PSD3: variants seen among roughly 807,000 people sequenced by gnomAD.
The protein encoded by PSD3 is pleckstrin and Sec7 domain containing 3.
PSD3 carries 49 observed loss-of-function variants against 105.5 expected under a neutral mutation model. The observed-to-expected ratio is 0.46, with a 90% CI of 0.37 to 0.59. The LOEUF (loss-of-function observed/expected upper bound fraction) is 0.59, where lower values mean the gene tolerates loss of function less well. Ranked by LOEUF, PSD3 falls within the 20% of genes least tolerant of loss-of-function variation. The pLI is 0.00. For synonymous variants in PSD3, 557 were observed against 457.8 expected, an observed-to-expected ratio of 1.22 and a Z score of -2.77; for missense variants, 1,561 against 1,263.8, an observed-to-expected ratio of 1.24 and a Z score of -3.57.
chr8:18,935,025 G>A (rs1029395521), intron 2 of PSD3, among the ~76,000 whole-genome samples: 6 of 152,196 alleles, frequency 3.9e-5, no homozygotes, highest in African/African-American at 1.4e-4. Context: ...CTGTGTGAGT[G>A]ATTGTGACTG....
chr8:18,555,565 C>T (rs1377860939), intron 15 of PSD3, among the ~76,000 whole-genome samples: 1 of 152,188 alleles, frequency 6.6e-6, no homozygotes, highest in Non-Finnish European at 1.5e-5. Context: ...CTAACCCTGA[C>T]ATTAATTTGG....
At chr8:18,946,666 G>A (rs138295241) in intron 1 of PSD3, among the ~76,000 whole-genome samples, 10,421 of 151,930 alleles carry the variant, frequency 0.069, 674 homozygotes, top group African/African-American at 0.17. Flanking sequence ...TTGGGAGGCC[G>A]AGGTGGGTGG....
At chr8:18,804,011 T>C (rs2638650) in intron 6 of PSD3, among the ~76,000 whole-genome samples, 126,514 of 152,160 alleles carry the variant, frequency 0.83, 53,195 homozygotes, top group Middle Eastern at 0.89. Flanking sequence ...TATCCAGATT[T>C]GCTTTGCTAC....
chr8:18,952,802 G>A (rs1228989910), intron 1 of PSD3, among the ~76,000 whole-genome samples: 1 of 152,148 alleles, frequency 6.6e-6, no homozygotes, highest in East Asian at 1.9e-4. Context: ...ACAATTTGGA[G>A]ACATTTAGTT....
intron 9 of PSD3, among the ~76,000 whole-genome samples, chr8:18,676,697 C>T (rs1800083564): frequency 6.6e-6 from 1 of 152,216 alleles, no homozygotes; most frequent in Non-Finnish European, 1.5e-5. Flanking sequence ...TACCCTACCC[C>T]TCTTTTGTGC....
chr8:18,769,903 T>C (rs1279625234), intron 8 of PSD3, among the ~76,000 whole-genome samples: 1 of 152,228 alleles, frequency 6.6e-6, no homozygotes, highest in African/African-American at 2.4e-5. Flanking sequence ...TTAGACTATT[T>C]TCTTTTTTTG....
chr8:18,553,234 G>T (rs1264698842), intron 15 of PSD3, among the ~76,000 whole-genome samples: 1 of 152,220 alleles, frequency 6.6e-6, no homozygotes, highest in Admixed American at 6.5e-5. Flanking sequence ...CCCTGTTGAG[G>T]AGGACCCACC....
At chr8:18,823,829 C>A (rs536370875) in intron 4 of PSD3, among the ~76,000 whole-genome samples, 1 of 151,506 alleles carries the variant, frequency 6.6e-6, no homozygotes, top group South Asian at 2.1e-4. Context: ...ATTCCATGTT[C>A]ACAAGTGTTT....
chr8:18,647,784 G>A (rs1213446941), intron 10 of PSD3, among the ~76,000 whole-genome samples: 1 of 151,998 alleles, frequency 6.6e-6, no homozygotes, highest in Non-Finnish European at 1.5e-5. Flanking sequence ...CGATCATAAT[G>A]GCATTACCCC....
intron 1 of PSD3, among the ~76,000 whole-genome samples, chr8:18,942,172 T>G (rs963084538): frequency 1.3e-5 from 2 of 152,172 alleles, no homozygotes; most frequent in Non-Finnish European, 1.5e-5. Context: ...ATTTCCTTAA[T>G]TATTTCAACT....
At chr8:18,876,928 T>G (rs1817768905) in intron 2 of PSD3, among the ~76,000 whole-genome samples, 1 of 152,236 alleles carries the variant, frequency 6.6e-6, no homozygotes, top group Admixed American at 6.5e-5. Context: ...CCCTAATGAC[T>G]AATTATGTTG....
chr8:18,824,874 G>A (rs556317507), intron 4 of PSD3, among the ~76,000 whole-genome samples: 14 of 152,080 alleles, frequency 9.2e-5, no homozygotes, highest in Non-Finnish European at 1.9e-4. Flanking sequence ...CATCCTTTTA[G>A]TCAAGTATTT....
intron 1 of PSD3, among the ~76,000 whole-genome samples, chr8:18,994,879 A>T (rs1825991903): frequency 1.3e-5 from 2 of 151,854 alleles, no homozygotes; most frequent in Non-Finnish European, 2.9e-5. Flanking sequence ...AATTTACAGG[A>T]ATTTTCAGAG....
chr8:18,669,371 T>C (rs575089617), intron 9 of PSD3, among the ~76,000 whole-genome samples: 2 of 152,354 alleles, frequency 1.3e-5, no homozygotes, highest in South Asian at 4.1e-4. Context: ...AAGGTTGAAT[T>C]TGTAAATTAG....
At chr8:18,859,690 T>C (rs1299873669) in intron 4 of PSD3, among the ~76,000 whole-genome samples, 1 of 152,212 alleles carries the variant, frequency 6.6e-6, no homozygotes, top group Non-Finnish European at 1.5e-5. Context: ...GATAGCTTCT[T>C]TTCTTAAACC....
rs375735609 is a variant in PSD3 at position 18,629,953 on chromosome 8, C to T, written c.2410+2660G>A. Among the ~76,000 whole-genome samples, 4 of 151,828 alleles carry T rather than the reference C, an allele frequency of 2.6e-5. No individual in the cohort carries two copies. In the East Asian group the frequency reaches 7.8e-4, roughly 29 times the overall value. On this transcript the variant is annotated intron_variant, in intron 11 of 15. Coordinates refer to ENST00000327040, the MANE Select transcript of PSD3 (RefSeq NM_015310.4). ...CCTTGGGAAATTGAAATGGGGATAT[C>T]CAGGAAGAGCCTGAGGAATTAAAGG...
At chr8:18,938,036 T>C (rs1326052648) in intron 1 of PSD3, among the ~76,000 whole-genome samples, 36 of 151,826 alleles carry the variant, frequency 2.4e-4, no homozygotes, top group Admixed American at 2.4e-3. Flanking sequence ...GGATGAAGAG[T>C]GTAGCTCAAG....
At chr8:18,821,706 CACACACACACA>C (rs1812728193) in intron 4 of PSD3, among the ~76,000 whole-genome samples, 1 of 140,618 alleles carries the variant, frequency 7.1e-6, no homozygotes, top group Non-Finnish European at 1.6e-5. Flanking sequence ...CACACACACA[CACACACACACA>C]CCCCAATAAC....
intron 11 of PSD3, among the ~76,000 whole-genome samples, chr8:18,617,143 T>C (rs1805753673): frequency 6.6e-6 from 1 of 152,218 alleles, no homozygotes; most frequent in African/African-American, 2.4e-5. Flanking sequence ...GGGAAGTTTT[T>C]TTCCTGGATG....
Sources: allele counts gnomAD v4.1 joint callset (sites outside exome capture counted in the v4.1 genomes callset), GRCh38; gene constraint gnomAD v4.1.1; transcripts MANE v1.5; gene names NCBI Gene and HGNC (gene_info 2026-07-23, HGNC 2026-07-21).